PACRGL: variants seen among roughly 807,000 people sequenced by gnomAD.
PACRGL encodes the protein parkin coregulated like.
A neutral mutation model predicts 34.5 loss-of-function variants in PACRGL; 38 were observed. That is an observed-to-expected ratio of 1.10 (90% CI 0.85 to 1.44). PACRGL has a LOEUF of 1.44. PACRGL is among the 40% of genes most tolerant of loss of function. The pLI, the probability that PACRGL is intolerant of heterozygous loss-of-function variation, is 0.00. For missense variants in PACRGL, 305 were observed against 281.4 expected, an observed-to-expected ratio of 1.08 and a Z score of -0.60; for synonymous variants, 128 against 100.1, an observed-to-expected ratio of 1.28 and a Z score of -1.66.
chr4:20,707,007 G>A (rs1301472042), intron 3 of PACRGL, among the ~76,000 whole-genome samples: 1 of 152,158 alleles, frequency 6.6e-6, no homozygotes, highest in African/African-American at 2.4e-5. Flanking sequence ...CTACCACTGT[G>A]TGTGACTTAA....
At chr4:20,749,749 G>A in intron 8 of PACRGL, 2 of 1,565,496 alleles carry the variant, frequency 1.3e-6, no homozygotes, top group Non-Finnish European at 1.8e-6. Context: ...TGGTAAAAAG[G>A]GAGTATCATT....
At chr4:20,716,473 T>C (rs1282825104) in intron 7 of PACRGL, among the ~76,000 whole-genome samples, 1 of 152,194 alleles carries the variant, frequency 6.6e-6, no homozygotes, top group East Asian at 1.9e-4. Flanking sequence ...ACATTAGGTA[T>C]ATCTCCTAAT....
chr4:20,721,922 G>A (rs543880772), intron 7 of PACRGL, among the ~76,000 whole-genome samples: 1 of 152,346 alleles, frequency 6.6e-6, no homozygotes, highest in East Asian at 1.9e-4. Flanking sequence ...TGCCCCCAGA[G>A]GTGGAGTCTA....
chr4:20,760,900 G>C, the PACRGL span, among the ~76,000 whole-genome samples: 2 of 152,184 alleles, frequency 1.3e-5, no homozygotes, highest in African/African-American at 2.4e-5. Context: ...TAACTTCTCT[G>C]GGCCATAGTG....
chr4:20,696,888 A>G (rs1214891654), upstream of PACRGL, among the ~76,000 whole-genome samples: 1 of 152,246 alleles, frequency 6.6e-6, no homozygotes, highest in African/African-American at 2.4e-5. Flanking sequence ...AAAATATCAC[A>G]TTAATAGTGT....
intron 7 of PACRGL, among the ~76,000 whole-genome samples, chr4:20,720,613 G>A (rs536377706): frequency 6.6e-6 from 1 of 152,110 alleles, no homozygotes; most frequent in Non-Finnish European, 1.5e-5. Flanking sequence ...ATGAAATTTT[G>A]GGTTGAAAAT....
At position 20,750,088 on chromosome 4, in the gene PACRGL, A is replaced by C. The variant is rs558118654; in HGVS notation, c.*57-2477A>C. On this transcript the variant is annotated intron_variant, in intron 8 of 8. Coordinates refer to the PACRGL transcript ENST00000507634. ...GTGTTTGGAAGAGACCATCTCTAGA[A>C]GTAAAGTACTAAAAATACTACCAAT... Among the ~76,000 whole-genome samples the C allele has an allele frequency of 3.3e-5, 5 of 152,352 alleles. No homozygotes were observed. The East Asian group carries it at 9.6e-4, about 29-fold the overall frequency.
upstream of PACRGL, among the ~76,000 whole-genome samples, chr4:20,700,140 A>G (rs188195666): frequency 2.3e-4 from 35 of 152,322 alleles, no homozygotes; most frequent in Admixed American, 6.5e-4. Context: ...ATGAGTATTA[A>G]GTGTGCGAGA....
At chr4:20,742,252 G>A (rs1751298160) in intron 8 of PACRGL, among the ~76,000 whole-genome samples, 1 of 152,158 alleles carries the variant, frequency 6.6e-6, no homozygotes, top group African/African-American at 2.4e-5. Flanking sequence ...CCAAAGCCTA[G>A]CAGAGATACA....
chr4:20,723,687 T>A (rs1189973969), intron 7 of PACRGL, among the ~76,000 whole-genome samples: 1 of 152,210 alleles, frequency 6.6e-6, no homozygotes, highest in Non-Finnish European at 1.5e-5. Flanking sequence ...CAGTGGCGTT[T>A]ATCTTTGGTC....
intron 7 of PACRGL, among the ~76,000 whole-genome samples, chr4:20,719,222 T>C (rs1224354842): frequency 6.6e-6 from 1 of 152,158 alleles, no homozygotes; most frequent in Non-Finnish European, 1.5e-5. Context: ...CTTCTCTCTT[T>C]ACTTTATTAG....
At chr4:20,716,921 A>G (rs1234090309) in intron 7 of PACRGL, among the ~76,000 whole-genome samples, 1 of 152,212 alleles carries the variant, frequency 6.6e-6, no homozygotes. Context: ...TGTCTTACAC[A>G]ATGGTTGAAC....
At chr4:20,748,486 C>G (rs1752845221) in intron 8 of PACRGL, among the ~76,000 whole-genome samples, 1 of 149,398 alleles carries the variant, frequency 6.7e-6, no homozygotes, top group African/African-American at 2.5e-5. Flanking sequence ...TTTATCAGAG[C>G]TCTCATCAAA....
chr4:20,714,896 C>G (rs1739091349), intron 7 of PACRGL, among the ~76,000 whole-genome samples: 2 of 152,098 alleles, frequency 1.3e-5, no homozygotes, highest in African/African-American at 4.8e-5. Context: ...ACTAGAAATA[C>G]CATTTGACCC....
intron 1 of PACRGL, chr4:20,702,136 A>G (rs756480177): frequency 1.1e-5 from 5 of 456,422 alleles, no homozygotes; most frequent in Non-Finnish European, 1.3e-5. Context: ...ACACCTCCCC[A>G]TTAGTTTGTT....
In PACRGL at chr4:20,730,118, T is replaced by G; in HGVS notation, c.*2777T>G. 1 of 1,608,314 alleles carries G rather than the reference T, an allele frequency of 6.2e-7. No homozygotes were observed. The highest frequency in any genetic ancestry group is 8.5e-7 in the Non-Finnish European group (1 of 1,178,044). Reference sequence around the variant, plus strand: ...TTTCAAAGAGCTGCATGGAGCGCATTATGTTTTCATCCTGTAAGGGAGAAA... The same window carrying G: ...TTTCAAAGAGCTGCATGGAGCGCATGATGTTTTCATCCTGTAAGGGAGAAA... On this transcript the variant is annotated 3_prime_UTR_variant, in exon 9 of 9. Transcript: ENST00000503585.
chr4:20,725,052 A>G (rs1213127618), intron 8 of PACRGL, among the ~76,000 whole-genome samples, 164 bp downstream of exon 8: 1 of 152,096 alleles, frequency 6.6e-6, no homozygotes, highest in East Asian at 1.9e-4. Context: ...TTCTGTCTCT[A>G]GGTCACACTG....
chr4:20,741,665 G>A (rs113118383), intron 8 of PACRGL, among the ~76,000 whole-genome samples: 1 of 152,088 alleles, frequency 6.6e-6, no homozygotes, highest in South Asian at 2.1e-4. Flanking sequence ...AAGAAGTAGA[G>A]AAGCAAGAGC....
At chr4:20,754,623 CAT>C (rs1308963222), downstream of PACRGL, among the ~76,000 whole-genome samples, 19 of 152,276 alleles carry the variant, frequency 1.2e-4, no homozygotes, top group African/African-American at 4.1e-4. Context: ...AGCGATGCCT[CAT>C]GTGGTCAGAT....
Sources: allele counts gnomAD v4.1 joint callset (sites outside exome capture counted in the v4.1 genomes callset), GRCh38; gene constraint gnomAD v4.1.1; transcripts MANE v1.5; gene names NCBI Gene and HGNC (gene_info 2026-07-23, HGNC 2026-07-21).